Variants in ZNG1B observed in about 807,000 individuals in gnomAD.
The protein encoded by ZNG1B is zinc-regulated GTPase metalloprotein activator 1B.
the ZNG1B span, among the ~76,000 whole-genome samples, chr2:113,442,811 T>C: frequency 6.6e-6 from 1 of 152,208 alleles, no homozygotes; most frequent in African/African-American, 2.4e-5. Flanking sequence ...GCTCATTTGC[T>C]TAGTGGGCTT....
the ZNG1B span, chr2:113,471,128 A>G: frequency 5.5e-6 from 7 of 1,261,378 alleles, no homozygotes; most frequent in Non-Finnish European, 7.8e-6. Context: ...ATTGTTATGT[A>G]CCTTTTTTCC....
At chr2:113,468,789 T>C in the ZNG1B span, 1 of 151,692 alleles carries the variant, frequency 6.6e-6, no homozygotes, top group Non-Finnish European at 1.5e-5. Flanking sequence ...ATAGAAACTT[T>C]CATCTGGAAG....
At chr2:113,471,606 A>T in the ZNG1B span, among the ~76,000 whole-genome samples, 8 of 150,918 alleles carry the variant, frequency 5.3e-5, no homozygotes, top group African/African-American at 2.0e-4. Context: ...AGCATTAGTT[A>T]TATCTCCCAA....
chr2:113,480,313 A>G, the ZNG1B span, among the ~76,000 whole-genome samples: 1 of 151,576 alleles, frequency 6.6e-6, no homozygotes, highest in Non-Finnish European at 1.5e-5. Context: ...TAATTTTTTT[A>G]TTGTTACTTT....
chr2:113,439,675 G>A, the ZNG1B span, among the ~76,000 whole-genome samples: 2 of 152,070 alleles, frequency 1.3e-5, no homozygotes, highest in Admixed American at 6.5e-5. Context: ...AATTGGCCCC[G>A]CACAATGAAC....
chr2:113,482,003 T>G, the ZNG1B span: 3 of 947,196 alleles, frequency 3.2e-6, no homozygotes, highest in African/African-American at 1.7e-5. Flanking sequence ...TAAAAAAACT[T>G]AATCTGCCAG....
the ZNG1B span, among the ~76,000 whole-genome samples, chr2:113,459,352 T>C: frequency 6.6e-6 from 1 of 151,686 alleles, no homozygotes; most frequent in African/African-American, 2.4e-5. Flanking sequence ...ATTACCTGCT[T>C]GCTCTGAGGT....
the ZNG1B span, among the ~76,000 whole-genome samples, chr2:113,460,902 A>G: frequency 6.6e-6 from 1 of 151,388 alleles, no homozygotes; most frequent in African/African-American, 2.4e-5. Flanking sequence ...ACTTTTACTT[A>G]AAGTCATTTT....
chr2:113,450,731 TGC>T, the ZNG1B span, among the ~76,000 whole-genome samples: 37 of 147,790 alleles, frequency 2.5e-4, no homozygotes, highest in African/African-American at 8.9e-4. Flanking sequence ...GTAATACATA[TGC>T]ATACATGTTT....
chr2:113,481,679 G>A, the ZNG1B span: 1 of 155,354 alleles, frequency 6.4e-6, no homozygotes, highest in African/African-American at 2.4e-5. Context: ...TGACTATATA[G>A]AAAATTTATA....
At chr2:113,457,907 C>G in the ZNG1B span, among the ~76,000 whole-genome samples, 159 of 143,186 alleles carry the variant, frequency 1.1e-3, 7 homozygotes, top group African/African-American at 3.7e-3. Context: ...CATCTCACAC[C>G]GCTCCCCTTT....
At chr2:113,466,569 A>C in the ZNG1B span, 1 of 985,320 alleles carries the variant, frequency 1.0e-6, no homozygotes, top group Middle Eastern at 5.2e-4. Context: ...TCTTCAGTGT[A>C]TGGTGCTTGC....
At chr2:113,469,235 C>T in the ZNG1B span, 5 of 152,088 alleles carry the variant, frequency 3.3e-5, no homozygotes, top group Non-Finnish European at 4.4e-5. Context: ...CCTCTGCCTC[C>T]TGGGTTCAAG....
At chr2:113,472,491 T>G in the ZNG1B span, among the ~76,000 whole-genome samples, 1 of 152,032 alleles carries the variant, frequency 6.6e-6, no homozygotes, top group East Asian at 1.9e-4. Context: ...TTAGTTTAAT[T>G]AGATCCCATC....
the ZNG1B span, chr2:113,447,501 T>C: frequency 2.5e-6 from 1 of 408,152 alleles, no homozygotes; most frequent in Non-Finnish European, 4.7e-6. Flanking sequence ...TTACTGAAGG[T>C]TGGGGTGGCT....
At chr2:113,486,639 C>G in the ZNG1B span, among the ~76,000 whole-genome samples, 2 of 152,166 alleles carry the variant, frequency 1.3e-5, no homozygotes, top group African/African-American at 2.4e-5. Flanking sequence ...ACCTGTAATC[C>G]CAGCTACTCG....
the ZNG1B span, among the ~76,000 whole-genome samples, chr2:113,441,983 C>A: frequency 2.0e-5 from 3 of 152,284 alleles, no homozygotes; most frequent in East Asian, 3.9e-4. Flanking sequence ...TGTGATCCAC[C>A]TGCCTCGGCC....
chr2:113,446,973 A>AG, the ZNG1B span, among the ~76,000 whole-genome samples: 3 of 150,118 alleles, frequency 2.0e-5, no homozygotes, highest in Non-Finnish European at 4.4e-5. Flanking sequence ...TCTCTAAGGG[A>AG]GGGGGTCAAG....
the ZNG1B span, among the ~76,000 whole-genome samples, chr2:113,464,044 T>C: frequency 6.7e-6 from 1 of 149,598 alleles, no homozygotes; most frequent in African/African-American, 2.5e-5. Context: ...GGAATGATAA[T>C]TATTACTTGA....
Sources: gnomAD v4.1 joint callset for allele counts (sites outside exome capture counted in the v4.1 genomes callset) on GRCh38, gnomAD v4.1.1 for gene constraint, MANE v1.5 for transcripts, NCBI Gene and HGNC (gene_info 2026-07-23, HGNC 2026-07-21) for gene names.